The following PSMD11 variants were observed in gnomAD, a reference collection of about 807,000 sequenced individuals.
PSMD11 encodes the protein 26S proteasome non-ATPase regulatory subunit 11.
A neutral mutation model predicts 62.3 loss-of-function variants in PSMD11; 5 were observed. The ratio of observed to expected loss-of-function variants is 0.08; its 90% CI spans 0.04 to 0.17. The LOEUF is 0.17. Ranked by LOEUF, PSMD11 falls within the 10% of genes least tolerant of loss-of-function variation. The pLI is 1.00. For synonymous variants in PSMD11, 191 were observed against 191.8 expected (o/e 1.00, Z 0.03); for missense variants, 310 against 512.9 (o/e 0.60, Z 3.82).
chr17:32,457,035 G>A (rs1370519333), intron 3 of PSMD11, among the ~76,000 whole-genome samples: 1 of 152,184 alleles, frequency 6.6e-6, no homozygotes, highest in Non-Finnish European at 1.5e-5. Flanking sequence ...GCTATAGTTC[G>A]CTAGTAGGAT....
At chr17:32,476,169 G>A (rs1003217452) in intron 8 of PSMD11, among the ~76,000 whole-genome samples, 2 of 152,150 alleles carry the variant, frequency 1.3e-5, no homozygotes, top group African/African-American at 4.8e-5. Flanking sequence ...TCAGGAGGCT[G>A]AGGCAGGAGA....
intron 3 of PSMD11, chr17:32,454,942 A>G: frequency 8.8e-6 from 2 of 227,182 alleles, no homozygotes; most frequent in Non-Finnish European, 1.8e-5. Flanking sequence ...TTGTGTCACA[A>G]AGCTCCTTCT....
intron 3 of PSMD11, 59 bp from the exon 4 acceptor site, chr17:32,463,990 T>G: frequency 3.4e-6 from 5 of 1,475,202 alleles, no homozygotes; most frequent in Non-Finnish European, 3.8e-6. Context: ...CTCCAAAGCA[T>G]GGTTTGTGGG....
chr17:32,465,608 C>A (rs1332994972), intron 5 of PSMD11, among the ~76,000 whole-genome samples: 1 of 152,138 alleles, frequency 6.6e-6, no homozygotes, highest in African/African-American at 2.4e-5. Flanking sequence ...ATAAAATTCA[C>A]TTTTAAAGTG....
chr17:32,464,570 T>C lies in PSMD11; in HGVS notation c.440T>C (p.Leu147Ser). 1.2e-6 allele frequency: 2 copies of C among 1,608,450 alleles called. No individual in the cohort carries two copies. Among genetic ancestry groups the C allele is most frequent in the Non-Finnish European group, 1.7e-6 (2 of 1,176,004 alleles). The stretch of plus-strand genomic sequence containing the variant: ...GATACCAAGAGGTACCAGGAAGCAT[T>C]GCATTTGGGTAAGTAAGCTGGTAAT... ...YFDTKRYQEA[L>S]HLGSQLLREL... The change falls in exon 5 of 14, where the codon TTG becomes TCG. Residue 147 changes from leucine to serine, a missense_variant. Leu to Ser is a moderately radical substitution (Grantham distance 145). This residue lies in a region of PSMD11 where 47 missense variants were observed against 59.0 expected (regional missense o/e 0.80). Transcript: ENST00000261712.
At chr17:32,450,323 C>T (rs1014915192) in intron 2 of PSMD11, among the ~76,000 whole-genome samples, 4 of 149,986 alleles carry the variant, frequency 2.7e-5, no homozygotes, top group Admixed American at 6.6e-5. Flanking sequence ...GGTGTGATCT[C>T]GGCTCACTGC....
chr17:32,469,046 T>C lies in PSMD11; in HGVS notation c.496T>C (p.Leu166=), dbSNP rs755926752. Residue 166 remains leucine (L), a synonymous_variant, in exon 6 of 14, where the codon TTG becomes CTG. Coordinates refer to ENST00000261712, the MANE Select transcript of PSMD11 (RefSeq NM_002815.4). ...ELKKMDDKAL[L]VEVQLLESKT... ...GAAAAAGATGGACGACAAAGCTCTT[T>C]TGGTGGAAGTACAGCTTTTAGAAAG... 6.2e-7 allele frequency: 1 copy of C among 1,613,996 alleles called. No homozygotes were observed. Among genetic ancestry groups the C allele is most frequent in the Non-Finnish European group, 8.5e-7 (1 of 1,179,992 alleles).
At chr17:32,466,355 T>C (rs1354185816) in intron 5 of PSMD11, among the ~76,000 whole-genome samples, 1 of 152,148 alleles carries the variant, frequency 6.6e-6, no homozygotes, top group East Asian at 1.9e-4. Flanking sequence ...CCCTGGGCGA[T>C]TACTAAGCTA....
chr17:32,465,105 ATC>A (rs1373509204), intron 5 of PSMD11, among the ~76,000 whole-genome samples: 1 of 149,268 alleles, frequency 6.7e-6, no homozygotes, highest in East Asian at 2.0e-4. Flanking sequence ...TAATCTATCT[ATC>A]TATCTATTTA....
chr17:32,448,497 A>G (rs908254524), intron 2 of PSMD11, among the ~76,000 whole-genome samples: 9 of 151,718 alleles, frequency 5.9e-5, no homozygotes, highest in Admixed American at 3.9e-4. Context: ...CCTCCCGAGT[A>G]GCTGGGATTG....
intron 8 of PSMD11, chr17:32,477,252 A>C: frequency 2.8e-6 from 1 of 352,756 alleles, no homozygotes; most frequent in South Asian, 1.1e-4. Flanking sequence ...TGTCATCTCT[A>C]GAGAATGCTA....
Position 32,477,513 on chromosome 17 carries a change from A to G in PSMD11, c.850-8A>G. 1 of 1,600,248 alleles carries G rather than the reference A, an allele frequency of 6.2e-7. No homozygotes were observed. The highest frequency in any genetic ancestry group is 8.5e-7 in the Non-Finnish European group (1 of 1,173,506). ...AATCGCTTTCATGGTTTGTCTCTTT[A>G]TTCTCAGACAGAAGCATTAAAATGC... On this transcript the variant is annotated splice_region_variant and splice_polypyrimidine_tract_variant and intron_variant, in intron 8 of 13. Transcript: ENST00000261712.
intron 5 of PSMD11, among the ~76,000 whole-genome samples, chr17:32,468,240 C>T (rs1908053724): frequency 6.6e-6 from 1 of 152,038 alleles, no homozygotes; most frequent in Non-Finnish European, 1.5e-5. Context: ...TATACAAGTC[C>T]CTTACCAGAT....
chr17:32,460,705 G>A (rs987250686), intron 3 of PSMD11, among the ~76,000 whole-genome samples: 2 of 151,470 alleles, frequency 1.3e-5, no homozygotes, highest in African/African-American at 4.8e-5. Flanking sequence ...CCCGGGAGGC[G>A]GAGCTTGCAG....
At chr17:32,469,917 T>A (rs1356051405) in intron 6 of PSMD11, among the ~76,000 whole-genome samples, 1 of 152,200 alleles carries the variant, frequency 6.6e-6, no homozygotes, top group Non-Finnish European at 1.5e-5. Flanking sequence ...ACTTAATTTA[T>A]GTTTAGCTCA....
At position 32,474,027 on chromosome 17, in the gene PSMD11, G is replaced by A. The variant is rs1908249310; in HGVS notation, c.788+82G>A. On this transcript the variant is annotated intron_variant, in intron 7 of 13. Transcript: ENST00000261712. ...GCCATGGCAGAGATGGCCTGAGCAG[G>A]GAGTTTGGCCAGTTACAGAAACAGC... is the stretch of plus-strand genomic sequence containing the variant. 3 of 1,532,716 alleles carry A rather than the reference G, an allele frequency of 2.0e-6. No homozygotes were observed. In the Admixed American group the frequency reaches 5.2e-5, roughly 26 times the overall value. The allele number at this position is 1,532,716 out of a possible 1,614,324, so 94.9% of individuals were successfully genotyped here. A position where few individuals can be genotyped will look rare whatever the true frequency, so the allele number is the denominator to read the frequency against.
chr17:32,457,248 T>C (rs1203909669), intron 3 of PSMD11, among the ~76,000 whole-genome samples: 1 of 152,202 alleles, frequency 6.6e-6, no homozygotes, highest in Non-Finnish European at 1.5e-5. Flanking sequence ...TGTTTTTGTT[T>C]TCGTTTTTTG....
intron 1 of PSMD11, chr17:32,445,697 A>T (rs1907312550): frequency 6.6e-6 from 1 of 152,232 alleles, no homozygotes; most frequent in Non-Finnish European, 1.5e-5. Flanking sequence ...ATGAGAATGC[A>T]CCTGTATGTG....
intron 3 of PSMD11, 94 bp downstream of exon 3, chr17:32,454,713 G>T: frequency 7.4e-7 from 1 of 1,346,274 alleles, no homozygotes. Flanking sequence ...TAATGTGGAA[G>T]GGAAAACTGG....
Sources: allele counts gnomAD v4.1 joint callset (sites outside exome capture counted in the v4.1 genomes callset), GRCh38; gene constraint gnomAD v4.1.1; regional missense constraint gnomAD v4.1.1; transcripts MANE v1.5; gene names NCBI Gene and HGNC (gene_info 2026-07-23, HGNC 2026-07-21).